PCDH15: variants seen among roughly 807,000 people sequenced by gnomAD.
PCDH15 encodes protocadherin-15.
PCDH15 carries 129 observed loss-of-function variants against 178.5 expected under a neutral mutation model. The ratio of observed to expected loss-of-function variants is 0.72; its 90% CI spans 0.63 to 0.84. The LOEUF (loss-of-function observed/expected upper bound fraction) is 0.84. Ranked by LOEUF, PCDH15 falls within the 40% of genes least tolerant of loss-of-function variation. The pLI, the probability that PCDH15 is intolerant of heterozygous loss-of-function variation, is 0.00. For missense variants in PCDH15, 2,230 were observed against 2,099.9 expected (o/e 1.06, Z -1.21); for synonymous variants, 800 against 732.0 (o/e 1.09, Z -1.50).
intron 1 of PCDH15, among the ~76,000 whole-genome samples, chr10:55,278,093 C>G (rs1203731015): frequency 6.6e-6 from 1 of 152,062 alleles, no homozygotes; most frequent in African/African-American, 2.4e-5. Context: ...CATGTCAATG[C>G]AGTCAAAGGT....
chr10:55,135,740 G>A (rs1238682970), intron 2 of PCDH15, among the ~76,000 whole-genome samples: 1 of 151,366 alleles, frequency 6.6e-6, no homozygotes, highest in Non-Finnish European at 1.5e-5. Context: ...ACACCACCCT[G>A]CCTGGCTAAT....
intron 2 of PCDH15, among the ~76,000 whole-genome samples, chr10:54,951,885 ATTG>A (rs1838350043): frequency 6.6e-6 from 1 of 151,782 alleles, no homozygotes; most frequent in South Asian, 2.1e-4. Flanking sequence ...TCCATTAGGA[ATTG>A]TTTTGTTTTA....
chr10:54,613,523 A>ACT (rs1290305282), intron 2 of PCDH15, among the ~76,000 whole-genome samples: 1 of 150,764 alleles, frequency 6.6e-6, no homozygotes, highest in Non-Finnish European at 1.5e-5. Flanking sequence ...ACACACACAC[A>ACT]CTCACACACA....
intron 18 of PCDH15, among the ~76,000 whole-genome samples, chr10:54,032,075 C>A (rs778481187): frequency 3.2e-4 from 49 of 150,788 alleles, no homozygotes; most frequent in Non-Finnish European, 4.9e-4. Context: ...CCTCTTCTTA[C>A]TTCTATTTCT....
chr10:54,159,356 G>A (rs2045484186), intron 13 of PCDH15, among the ~76,000 whole-genome samples: 1 of 151,980 alleles, frequency 6.6e-6, no homozygotes, highest in Admixed American at 6.6e-5. Flanking sequence ...TTTATATCTG[G>A]TGTTTCTGCT....
chr10:55,079,948 G>T (rs1052512673), intron 2 of PCDH15, among the ~76,000 whole-genome samples: 4 of 152,102 alleles, frequency 2.6e-5, no homozygotes, highest in Admixed American at 6.6e-5. Flanking sequence ...GTGTGCAGGG[G>T]CTTAGGCTCT....
intron 2 of PCDH15, among the ~76,000 whole-genome samples, chr10:55,562,120 T>C (rs1031692321): frequency 1.3e-5 from 2 of 151,974 alleles, no homozygotes; most frequent in African/African-American, 2.4e-5. Context: ...TTTGTGAATT[T>C]ATTTTACAAT....
At chr10:54,804,927 T>TTTTATATATATATATATA (rs536235796), upstream of PCDH15, among the ~76,000 whole-genome samples, 18 of 50,842 alleles carry the variant, frequency 3.5e-4, 1 homozygote, top group East Asian at 6.4e-3. Flanking sequence ...TCATAGTAGA[T>TTTTATATATATATATATA]TATATATATA....
chr10:55,172,907 C>T (rs1327344526), intron 1 of PCDH15, among the ~76,000 whole-genome samples: 1 of 151,816 alleles, frequency 6.6e-6, no homozygotes, highest in East Asian at 1.9e-4. Context: ...GTTGCAAGCA[C>T]TTTTAGAAGT....
intron 2 of PCDH15, among the ~76,000 whole-genome samples, chr10:55,607,746 T>G (rs1391626512): frequency 9.6e-6 from 1 of 104,372 alleles, no homozygotes; most frequent in Non-Finnish European, 1.8e-5. Context: ...TGGGGACTGT[T>G]GTGGGGTGGG....
At chr10:54,018,277 C>A (rs1374012192) in intron 20 of PCDH15, among the ~76,000 whole-genome samples, 1 of 151,828 alleles carries the variant, frequency 6.6e-6, no homozygotes, top group African/African-American at 2.4e-5. Flanking sequence ...GTACTGGCCA[C>A]TAAACAAAAT....
At chr10:55,511,186 A>G (rs2132151847) in intron 2 of PCDH15, among the ~76,000 whole-genome samples, 1 of 151,958 alleles carries the variant, frequency 6.6e-6, no homozygotes, top group African/African-American at 2.4e-5. Context: ...TATATGTTAA[A>G]GAAAGCATTC....
intron 12 of PCDH15, 25 bp downstream of exon 12, chr10:54,185,109 G>A: frequency 6.2e-7 from 1 of 1,609,798 alleles, no homozygotes; most frequent in South Asian, 1.1e-5. Flanking sequence ...ACATACATAT[G>A]TATATTTACA....
At chr10:55,542,651 CTATATAGGTACATACAGACATATGTATG>C in intron 2 of PCDH15, among the ~76,000 whole-genome samples, 2 of 127,820 alleles carry the variant, frequency 1.6e-5, no homozygotes. Context: ...ATGTATGTGT[CTATATAGGTACATACAGACATATGTATG>C]TGTCTATATA....
At chr10:55,593,308 T>G (rs75423380) in intron 2 of PCDH15, among the ~76,000 whole-genome samples, 3,220 of 152,108 alleles carry the variant, frequency 0.021, 119 homozygotes, top group African/African-American at 0.073. Context: ...TCACTAAAAT[T>G]AAATTTTCTG....
intron 14 of PCDH15, among the ~76,000 whole-genome samples, chr10:54,134,371 T>A (rs1290170520): frequency 2.3e-5 from 2 of 88,198 alleles, no homozygotes; most frequent in South Asian, 5.1e-4. Context: ...TCCCAAACTC[T>A]TTATAAGATG....
chr10:54,275,159 C>A (rs1315891016), intron 8 of PCDH15, among the ~76,000 whole-genome samples: 2 of 151,604 alleles, frequency 1.3e-5, no homozygotes, highest in African/African-American at 2.4e-5. Flanking sequence ...CAAACAAGTA[C>A]AAGTTGTCAG....
At chr10:54,529,779 T>A (rs1450171329) in intron 2 of PCDH15, among the ~76,000 whole-genome samples, 3 of 152,106 alleles carry the variant, frequency 2.0e-5, no homozygotes, top group African/African-American at 7.2e-5. Flanking sequence ...ACTTGAAAAA[T>A]GATTTCAACA....
chr10:54,041,827 G>A (rs542620291), intron 18 of PCDH15, among the ~76,000 whole-genome samples: 1 of 151,906 alleles, frequency 6.6e-6, no homozygotes, highest in Non-Finnish European at 1.5e-5. Flanking sequence ...GAATCCCAAC[G>A]GTGACTTTCA....
Sources: gnomAD v4.1 joint callset for allele counts (sites outside exome capture counted in the v4.1 genomes callset) on GRCh38, gnomAD v4.1.1 for gene constraint, MANE v1.5 for transcripts, NCBI Gene and HGNC (gene_info 2026-07-23, HGNC 2026-07-21) for gene names.